Variants in TSPEAR observed in about 807,000 individuals in gnomAD.
TSPEAR encodes the protein thrombospondin-type laminin G domain and EAR repeat-containing protein.
Under a neutral mutation model 71.6 loss-of-function variants are expected in TSPEAR, and 69 were observed. The observed-to-expected ratio is 0.96, with a 90% CI of 0.79 to 1.18. The LOEUF (loss-of-function observed/expected upper bound fraction) is 1.18. Ranked by LOEUF, TSPEAR falls within the 50% of genes most tolerant of loss-of-function variation. The probability of loss-of-function intolerance (pLI) is 0.00; values close to 1 mark genes in which losing one functional copy is unlikely to be tolerated. For synonymous variants in TSPEAR, 402 were observed against 387.2 expected (o/e 1.04, Z -0.45); for missense variants, 971 against 894.9 (o/e 1.09, Z -1.09).
chr21:44,555,356 A>G (rs1337886847), intron 2 of TSPEAR, among the ~76,000 whole-genome samples: 1 of 152,126 alleles, frequency 6.6e-6, no homozygotes, highest in East Asian at 1.9e-4. Flanking sequence ...GCCCACACAG[A>G]GCCTCCTCTC....
At chr21:44,539,420 C>G (rs2053162142) in intron 2 of TSPEAR, 1 of 1,602,584 alleles carries the variant, frequency 6.2e-7, no homozygotes, top group Non-Finnish European at 8.5e-7. Context: ...AGGCATACAG[C>G]AGGCGGGCCG....
chr21:44,665,210 A>G (rs1985690630), intron 1 of TSPEAR, among the ~76,000 whole-genome samples: 3 of 152,228 alleles, frequency 2.0e-5, no homozygotes, highest in Non-Finnish European at 1.5e-5. Context: ...AAAGATGATG[A>G]AACCAGTTTT....
At chr21:44,635,329 G>C (rs1396256933) in intron 1 of TSPEAR, among the ~76,000 whole-genome samples, 3 of 124,476 alleles carry the variant, frequency 2.4e-5, no homozygotes, top group Non-Finnish European at 1.6e-5. Context: ...CTGGGTGACA[G>C]AGGGAGACTC....
chr21:44,552,215 G>C (rs2053453386), intron 2 of TSPEAR, among the ~76,000 whole-genome samples: 1 of 152,132 alleles, frequency 6.6e-6, no homozygotes, highest in African/African-American at 2.4e-5. Context: ...GCCTTGAGGA[G>C]GTGGATGTGG....
intron 1 of TSPEAR, among the ~76,000 whole-genome samples, chr21:44,707,510 C>A (rs537515895): frequency 2.0e-4 from 31 of 152,072 alleles, no homozygotes; most frequent in African/African-American, 6.8e-4. Context: ...TTGTCTGGAG[C>A]GGAACCGTAG....
intron 1 of TSPEAR, among the ~76,000 whole-genome samples, chr21:44,705,057 G>A (rs1268627629): frequency 3.9e-5 from 6 of 152,194 alleles, no homozygotes; most frequent in Admixed American, 6.5e-5. Context: ...CAGAGAGACC[G>A]GCTGAAACCA....
chr21:44,654,158 C>T lies in TSPEAR; in HGVS notation c.82+57275G>A, dbSNP rs797026076. ...GTGACGGTGCCGCAAAGGAGGCAGG[C>T]GGTCTAGTCAGGTGACGACAGTTTG... On this transcript the variant is annotated intron_variant, in intron 1 of 11. Transcript: ENST00000323084. 2.4e-4 allele frequency: 187 copies of T among 768,094 alleles called. 1 individual carries two copies. Among genetic ancestry groups the T allele is most frequent in the Non-Finnish European group, 2.4e-4 (111 of 459,184 alleles). The allele number at this position is 768,094 out of a possible 1,614,324, so 47.6% of individuals were successfully genotyped here.
chr21:44,608,752 C>T (rs1029545813), intron 1 of TSPEAR, among the ~76,000 whole-genome samples: 1 of 152,128 alleles, frequency 6.6e-6, no homozygotes, highest in Admixed American at 6.5e-5. Context: ...TGTAAAGATA[C>T]AGAATAAATG....
At chr21:44,515,295 G>A (rs1179942650) in intron 9 of TSPEAR, among the ~76,000 whole-genome samples, 2 of 152,282 alleles carry the variant, frequency 1.3e-5, no homozygotes, top group African/African-American at 4.8e-5. Flanking sequence ...AGGTGGAGAG[G>A]AAGCCCGTCC....
At chr21:44,703,239 A>G (rs1987744928) in intron 1 of TSPEAR, among the ~76,000 whole-genome samples, 1 of 152,088 alleles carries the variant, frequency 6.6e-6, no homozygotes, top group Admixed American at 6.5e-5. Flanking sequence ...AACCCTAGAG[A>G]CGAGCCACGT....
At chr21:44,627,797 G>T in intron 1 of TSPEAR, 1 of 1,600,472 alleles carries the variant, frequency 6.2e-7, no homozygotes, top group African/African-American at 1.3e-5. Context: ...TCCTCTTTGT[G>T]CTGCCAGCAG....
At chr21:44,580,459 G>A in intron 1 of TSPEAR, 1 of 1,613,242 alleles carries the variant, frequency 6.2e-7, no homozygotes, top group Non-Finnish European at 8.5e-7. Context: ...CTGGGGTGCA[G>A]ACCAGGGTCA....
intron 2 of TSPEAR, chr21:44,551,017 C>G (rs2053415481): frequency 6.2e-7 from 1 of 1,606,962 alleles, no homozygotes; most frequent in Non-Finnish European, 8.5e-7. Context: ...CAGCACACAG[C>G]TTTGCAGCAG....
intron 9 of TSPEAR, chr21:44,518,609 G>T: frequency 2.1e-6 from 1 of 469,134 alleles, no homozygotes; most frequent in Non-Finnish European, 4.4e-6. Flanking sequence ...AAAGTCACTT[G>T]TGGTGCCTTT....
chr21:44,644,728 T>C (rs1205049931), intron 1 of TSPEAR, among the ~76,000 whole-genome samples: 2 of 152,028 alleles, frequency 1.3e-5, no homozygotes, highest in Non-Finnish European at 2.9e-5. Flanking sequence ...ATTTCATTCA[T>C]CACAAGATGA....
At position 44,677,973 on chromosome 21, in the gene TSPEAR, G is replaced by A. The variant is rs60132621; in HGVS notation, c.82+33460C>T. On this transcript the variant is annotated intron_variant, in intron 1 of 11. Transcript: ENST00000323084. ...AATGTTGCCAGTAGTCAACCACAGA[G>A]CTGCCTGAAGTAGAGTATCGGCGGC... 1,868 of 1,159,426 alleles carry A rather than the reference G, an allele frequency of 1.6e-3. 20 individuals are homozygous for A. In the African/African-American group the frequency reaches 0.025, roughly 15 times the overall value. The allele number at this position is 1,159,426 out of a possible 1,614,324, so 71.8% of individuals were successfully genotyped here.
At chr21:44,516,745 C>T (rs902768812) in intron 9 of TSPEAR, among the ~76,000 whole-genome samples, 5 of 152,178 alleles carry the variant, frequency 3.3e-5, no homozygotes, top group Admixed American at 3.3e-4. Flanking sequence ...CCATGCCAGG[C>T]AAACATTCTC....
At chr21:44,605,094 TAAAC>T (rs1455820455) in intron 1 of TSPEAR, among the ~76,000 whole-genome samples, 1 of 152,240 alleles carries the variant, frequency 6.6e-6, no homozygotes, top group African/African-American at 2.4e-5. Context: ...TTAGGACTGA[TAAAC>T]AAATTTAATA....
At chr21:44,647,538 A>C in intron 1 of TSPEAR, 10 of 721,936 alleles carry the variant, frequency 1.4e-5, no homozygotes, top group East Asian at 2.7e-5. Context: ...CAACCCACAA[A>C]TCCCTCAGCA....
Sources: gnomAD v4.1 joint callset for allele counts (sites outside exome capture counted in the v4.1 genomes callset) on GRCh38, gnomAD v4.1.1 for gene constraint, MANE v1.5 for transcripts, NCBI Gene and HGNC (gene_info 2026-07-23, HGNC 2026-07-21) for gene names.